Variants in M1AP observed in about 807,000 individuals in gnomAD.
M1AP encodes meiosis 1 arrest protein.
M1AP carries 39 observed loss-of-function variants against 51.2 expected under a neutral mutation model. The observed-to-expected ratio is 0.76, with a 90% CI of 0.59 to 1.00. The LOEUF (loss-of-function observed/expected upper bound fraction) is 1.00. Among genes scored for constraint, M1AP ranks in the 50% least tolerant of loss-of-function variants. The probability of loss-of-function intolerance (pLI) is 0.00; values close to 1 mark genes in which losing one functional copy is unlikely to be tolerated. For missense variants in M1AP, 545 were observed against 641.2 expected (o/e 0.85, Z 1.62); for synonymous variants, 251 against 249.2 (o/e 1.01, Z -0.07).
intron 4 of M1AP, among the ~76,000 whole-genome samples, chr2:74,600,883 G>GTCTT (rs1680633985): frequency 6.6e-6 from 1 of 152,028 alleles, no homozygotes; most frequent in Non-Finnish European, 1.5e-5. Context: ...AAAAATTATA[G>GTCTT]TCTTATATTC....
At chr2:74,581,978 C>CT in intron 4 of M1AP, 131 bp from the exon 5 acceptor site, 1 of 739,852 alleles carries the variant, frequency 1.4e-6, no homozygotes, top group Non-Finnish European at 2.2e-6. Flanking sequence ...AGTACAGTGG[C>CT]TATTCACATG....
At chr2:74,644,504 C>T (rs1447776110) in intron 1 of M1AP, among the ~76,000 whole-genome samples, 2 of 150,888 alleles carry the variant, frequency 1.3e-5, no homozygotes, top group African/African-American at 4.9e-5. Context: ...CGCCATTGCA[C>T]TCCAGCCTGG....
At chr2:74,620,317 A>T (rs1365260538) in intron 2 of M1AP, among the ~76,000 whole-genome samples, 1 of 152,246 alleles carries the variant, frequency 6.6e-6, no homozygotes, top group Admixed American at 6.5e-5. Context: ...GATGAGAGGA[A>T]CAAAGGGAAT....
At chr2:74,638,227 G>T (rs767081877) in intron 2 of M1AP, among the ~76,000 whole-genome samples, 3 of 151,928 alleles carry the variant, frequency 2.0e-5, no homozygotes, top group Non-Finnish European at 4.4e-5. Context: ...GATAATTTTT[G>T]TATTTTTGTA....
chr2:74,640,557 T>C (rs1009132937), intron 1 of M1AP, among the ~76,000 whole-genome samples: 1 of 151,006 alleles, frequency 6.6e-6, no homozygotes, highest in Non-Finnish European at 1.5e-5. Context: ...GTCTCCCAGG[T>C]TCAAGCGATT....
In M1AP at chr2:74,558,105, T is replaced by C. The variant is rs1018326703; in HGVS notation, c.*611A>G. The C allele has an allele frequency of 1.3e-5, 2 of 152,518 alleles. No homozygotes were observed. Among genetic ancestry groups the C allele is most frequent in the Non-Finnish European group, 2.9e-5 (2 of 68,290 alleles). 9.4% of individuals were successfully genotyped at this position (152,518 alleles called of 1,614,324 possible). A position where few individuals can be genotyped will look rare whatever the true frequency, so the allele number is the denominator to read the frequency against. The stretch of plus-strand genomic sequence containing the variant: ...AGGGAGCAACAGGAAGGTTGGTACA[T>C]GTGGGGAGAGGGTAACAGGAAAGGA... On this transcript the variant is annotated 3_prime_UTR_variant, in exon 11 of 11. Transcript: ENST00000421985.
At chr2:74,608,455 G>A (rs1681144635) in intron 3 of M1AP, among the ~76,000 whole-genome samples, 1 of 152,124 alleles carries the variant, frequency 6.6e-6, no homozygotes, top group Non-Finnish European at 1.5e-5. Flanking sequence ...CCATTGTCTG[G>A]ATGAATCATA....
At chr2:74,624,879 T>C (rs994226069) in intron 2 of M1AP, among the ~76,000 whole-genome samples, 1 of 152,210 alleles carries the variant, frequency 6.6e-6, no homozygotes, top group Admixed American at 6.5e-5. Context: ...TCCAATCTTT[T>C]GTTACTGCAA....
At chr2:74,598,895 T>C (rs917227826) in intron 4 of M1AP, among the ~76,000 whole-genome samples, 14 of 152,104 alleles carry the variant, frequency 9.2e-5, no homozygotes, top group African/African-American at 3.4e-4. Flanking sequence ...GTGCTAGGAT[T>C]ATAGGCATGA....
chr2:74,636,599 G>A (rs954278081), intron 2 of M1AP, among the ~76,000 whole-genome samples: 2 of 151,988 alleles, frequency 1.3e-5, no homozygotes, highest in African/African-American at 4.8e-5. Flanking sequence ...TATCCATGGT[G>A]TTTCTGAGTG....
In M1AP at chr2:74,607,170, T is replaced by C. The variant is rs1464783498; in HGVS notation, c.480A>G (p.Glu160=). The C allele has an allele frequency of 6.2e-7, 1 of 1,614,148 alleles. No individual in the cohort carries two copies. Residue 160 remains glutamate, a synonymous_variant, in exon 4 of 11, where the codon GAA becomes GAG. Coordinates refer to ENST00000421985, the MANE Select transcript of M1AP (RefSeq NM_001321739.2). The part of the protein sequence containing the change: ...PGKEVVKQLE[E]GLKDTDLARV... ...TGGCTAGGTCTGTATCTTTCAACCC[T>C]TCCTCCAACTGTTTGACCACCTCTT... is the stretch of plus-strand genomic sequence containing the variant.
intron 7 of M1AP, among the ~76,000 whole-genome samples, chr2:74,563,619 A>C (rs558273231): frequency 2.0e-5 from 3 of 151,730 alleles, no homozygotes; most frequent in South Asian, 2.1e-4. Flanking sequence ...AAAAAAAAAA[A>C]AAAAAAAACA....
At chr2:74,639,966 A>T in intron 2 of M1AP, 70 bp downstream of exon 2, 1 of 1,326,896 alleles carries the variant, frequency 7.5e-7, no homozygotes, top group South Asian at 1.3e-5. Context: ...AATAACTGTG[A>T]TCTCTATTCC....
At chr2:74,635,740 A>G (rs144940483) in intron 2 of M1AP, among the ~76,000 whole-genome samples, 10 of 152,132 alleles carry the variant, frequency 6.6e-5, no homozygotes, top group African/African-American at 2.4e-4. Context: ...TGACCAATGG[A>G]TTATTTAGAA....
chr2:74,592,454 T>C (rs1298632806), intron 4 of M1AP, among the ~76,000 whole-genome samples: 1 of 152,222 alleles, frequency 6.6e-6, no homozygotes, highest in African/African-American at 2.4e-5. Flanking sequence ...TTTTGAATTA[T>C]GTGTTTATGA....
chr2:74,612,668 T>C (rs1047785578), intron 3 of M1AP, among the ~76,000 whole-genome samples: 13 of 152,152 alleles, frequency 8.5e-5, no homozygotes, highest in Non-Finnish European at 1.9e-4. Context: ...TAAACTTCCC[T>C]CTTTTGCTCT....
chr2:74,633,008 T>G (rs1341871934), intron 2 of M1AP, among the ~76,000 whole-genome samples: 1 of 152,154 alleles, frequency 6.6e-6, no homozygotes, highest in Non-Finnish European at 1.5e-5. Flanking sequence ...TATTTGCCCT[T>G]CCAGATCACT....
intron 6 of M1AP, 138 bp from the exon 7 acceptor site, chr2:74,575,717 A>G: frequency 1.5e-6 from 1 of 663,714 alleles, no homozygotes; most frequent in Admixed American, 2.9e-5. Context: ...GCATCTTTGT[A>G]TGGCCAGCAT....
intron 7 of M1AP, among the ~76,000 whole-genome samples, chr2:74,568,288 C>T (rs1420132529): frequency 6.6e-6 from 1 of 152,206 alleles, no homozygotes; most frequent in African/African-American, 2.4e-5. Context: ...AAGTGGGTTA[C>T]AGTGGCCAGA....
Sources: allele counts gnomAD v4.1 joint callset (sites outside exome capture counted in the v4.1 genomes callset), GRCh38; gene constraint gnomAD v4.1.1; transcripts MANE v1.5; gene names NCBI Gene and HGNC (gene_info 2026-07-23, HGNC 2026-07-21).